The following SUPT3H variants were observed in gnomAD, a reference collection of about 807,000 sequenced individuals.
The protein encoded by SUPT3H is SPT3 homolog, SAGA and STAGA complex component.
SUPT3H carries 44 observed loss-of-function variants against 44.3 expected under a neutral mutation model. That is an observed-to-expected ratio of 0.99 (90% confidence interval 0.78 to 1.28). SUPT3H has a LOEUF of 1.28. Ranked by LOEUF, SUPT3H falls within the 50% of genes most tolerant of loss-of-function variation. The probability of loss-of-function intolerance (pLI) is 0.00; values close to 1 mark genes in which losing one functional copy is unlikely to be tolerated. For synonymous variants in SUPT3H, 124 were observed against 125.6 expected (o/e 0.99, Z 0.09); for missense variants, 380 against 387.1 (o/e 0.98, Z 0.15).
intron 2 of SUPT3H, among the ~76,000 whole-genome samples, chr6:45,142,461 G>C (rs896194632): frequency 2.0e-5 from 3 of 152,064 alleles, no homozygotes; most frequent in Admixed American, 2.0e-4. Flanking sequence ...GAATTGCCAG[G>C]AGCGGTGGCT....
chr6:45,063,472 G>A (rs1484930455), intron 3 of SUPT3H, among the ~76,000 whole-genome samples: 5 of 145,760 alleles, frequency 3.4e-5, no homozygotes, highest in African/African-American at 5.3e-5. Flanking sequence ...TGACTTTGAC[G>A]AGCTGAGAGA....
rs553363055 is a variant in SUPT3H at position 44,935,850 on chromosome 6, G to A, written c.802-3087C>T. 5.6e-4 allele frequency among the ~76,000 whole-genome samples: 86 copies of A among 152,262 alleles called. 1 individual carries two copies. The highest frequency in any genetic ancestry group is 2.0e-3 in the African/African-American group (85 of 41,542). ...GAAAGTTATACTGAAACTTAGGTTT[G>A]CCCCTGGATCTCTCACTGAACCTTT... On this transcript the variant is annotated intron_variant, in intron 9 of 10. Coordinates refer to ENST00000371459, the MANE Select transcript of SUPT3H (RefSeq NM_003599.4).
chr6:45,264,437 A>C (rs1774919939), intron 2 of SUPT3H, among the ~76,000 whole-genome samples: 1 of 152,114 alleles, frequency 6.6e-6, no homozygotes, highest in Admixed American at 6.6e-5. Flanking sequence ...AGGCAGGTGG[A>C]TCACTTGAGA....
intron 2 of SUPT3H, among the ~76,000 whole-genome samples, chr6:45,263,079 T>C (rs1271755437): frequency 6.6e-6 from 1 of 152,118 alleles, no homozygotes; most frequent in Non-Finnish European, 1.5e-5. Context: ...GTTTGGAGAT[T>C]TCTCGAAGAA....
At chr6:45,105,122 T>C (rs1020094489) in intron 3 of SUPT3H, among the ~76,000 whole-genome samples, 3 of 151,886 alleles carry the variant, frequency 2.0e-5, no homozygotes, top group Admixed American at 6.6e-5. Flanking sequence ...ATAAATTAAG[T>C]ATATTATAAA....
chr6:45,223,896 A>C (rs927630913), intron 2 of SUPT3H, among the ~76,000 whole-genome samples: 2 of 150,966 alleles, frequency 1.3e-5, no homozygotes, highest in East Asian at 3.9e-4. Flanking sequence ...ATCTTAATCT[A>C]ACAATGTTAA....
chr6:45,365,927 ATG>A (rs1409191605), intron 1 of SUPT3H, among the ~76,000 whole-genome samples: 1 of 152,120 alleles, frequency 6.6e-6, no homozygotes, highest in Non-Finnish European at 1.5e-5. Flanking sequence ...TCAATTTTAA[ATG>A]TGACATTTTT....
intron 10 of SUPT3H, among the ~76,000 whole-genome samples, chr6:44,878,266 CT>C (rs1211889637): frequency 3.3e-5 from 5 of 152,144 alleles, no homozygotes; most frequent in Non-Finnish European, 4.4e-5. Flanking sequence ...GATTTTGACA[CT>C]GTTTGAAGCA....
At chr6:44,847,058 T>C (rs914431531) in intron 10 of SUPT3H, among the ~76,000 whole-genome samples, 2 of 152,248 alleles carry the variant, frequency 1.3e-5, no homozygotes, top group African/African-American at 4.8e-5. Context: ...GATTTTTCTG[T>C]TTTCAGTAAT....
Position 44,829,449 on chromosome 6 carries a change from A to G in SUPT3H, c.*367T>C, listed in dbSNP as rs2153408862. The stretch of plus-strand genomic sequence containing the variant: ...TGTTTCCTTGTTCCAAACCTGGATT[A>G]TAAAATATATCAAATAAAATGCAGA... On this transcript the variant is annotated 3_prime_UTR_variant, in exon 11 of 11. Coordinates refer to ENST00000371459, the MANE Select transcript of SUPT3H (RefSeq NM_003599.4). 6.0e-6 allele frequency: 1 copy of G among 166,426 alleles called. No homozygotes were observed. Among genetic ancestry groups the G allele is most frequent in the East Asian group, 1.7e-4 (1 of 5,994 alleles). 10.3% of individuals were successfully genotyped at this position (166,426 alleles called of 1,614,324 possible). A position where few individuals can be genotyped will look rare whatever the true frequency, so the allele number is the denominator to read the frequency against.
intron 2 of SUPT3H, among the ~76,000 whole-genome samples, chr6:45,174,560 C>A (rs1206525807): frequency 6.6e-6 from 1 of 152,100 alleles, no homozygotes; most frequent in East Asian, 1.9e-4. Flanking sequence ...ACATCAACAG[C>A]CATAATGGTG....
At chr6:45,100,588 A>G (rs1446203113) in intron 3 of SUPT3H, among the ~76,000 whole-genome samples, 1 of 138,436 alleles carries the variant, frequency 7.2e-6, no homozygotes, top group East Asian at 2.3e-4. Flanking sequence ...CCCACAGTAC[A>G]TGAAAAAACT....
At chr6:44,852,229 G>A (rs1327614975) in intron 10 of SUPT3H, among the ~76,000 whole-genome samples, 1 of 152,108 alleles carries the variant, frequency 6.6e-6, no homozygotes, top group Non-Finnish European at 1.5e-5. Context: ...ATTATAGGTG[G>A]CACTAGTCAC....
At chr6:45,124,646 A>C (rs981390509) in intron 2 of SUPT3H, among the ~76,000 whole-genome samples, 2 of 151,930 alleles carry the variant, frequency 1.3e-5, no homozygotes, top group African/African-American at 4.8e-5. Context: ...CAAAAAAAAA[A>C]AAAGAAAGAA....
At chr6:44,960,651 T>C (rs549191728) in intron 7 of SUPT3H, among the ~76,000 whole-genome samples, 2 of 152,172 alleles carry the variant, frequency 1.3e-5, no homozygotes, top group Non-Finnish European at 2.9e-5. Flanking sequence ...AACTGGAGGT[T>C]GATACTTATA....
intron 3 of SUPT3H, among the ~76,000 whole-genome samples, chr6:45,035,598 T>A (rs1329714): frequency 0.35 from 52,715 of 151,974 alleles, 10,162 homozygotes; most frequent in Non-Finnish European, 0.43. Flanking sequence ...AATATTTATA[T>A]CATGTATTTT....
At chr6:45,198,044 A>G (rs1003838347) in intron 2 of SUPT3H, among the ~76,000 whole-genome samples, 2 of 151,226 alleles carry the variant, frequency 1.3e-5, no homozygotes, top group African/African-American at 4.8e-5. Context: ...AAATCTCTCA[A>G]AGTTCTCAAC....
At chr6:45,253,010 A>T (rs1772652620) in intron 2 of SUPT3H, among the ~76,000 whole-genome samples, 1 of 152,148 alleles carries the variant, frequency 6.6e-6, no homozygotes, top group East Asian at 1.9e-4. Flanking sequence ...ACTTAATACT[A>T]ACCTTACCAA....
intron 2 of SUPT3H, among the ~76,000 whole-genome samples, chr6:45,154,775 T>C (rs1250767806): frequency 6.6e-6 from 1 of 152,100 alleles, no homozygotes; most frequent in East Asian, 1.9e-4. Flanking sequence ...CCTCATTGGG[T>C]TATTGGGTAA....
Sources: allele counts gnomAD v4.1 joint callset (sites outside exome capture counted in the v4.1 genomes callset), GRCh38; gene constraint gnomAD v4.1.1; transcripts MANE v1.5; gene names NCBI Gene and HGNC (gene_info 2026-07-23, HGNC 2026-07-21).